TENM3: variants seen among roughly 807,000 people sequenced by gnomAD.
TENM3 encodes the protein teneurin-3.
Under a neutral mutation model 255.1 loss-of-function variants are expected in TENM3, and 63 were observed. The ratio of observed to expected loss-of-function variants is 0.25; its 90% confidence interval spans 0.20 to 0.30. The LOEUF (loss-of-function observed/expected upper bound fraction) is 0.30. Among genes scored for constraint, TENM3 ranks in the 10% least tolerant of loss-of-function variants. The probability of loss-of-function intolerance (pLI) is 1.00; values close to 1 mark genes in which losing one functional copy is unlikely to be tolerated. For synonymous variants in TENM3, 1,306 were observed against 1,322.3 expected, an observed-to-expected ratio of 0.99 and a Z score of 0.27; for missense variants, 2,929 against 3,461.1, an observed-to-expected ratio of 0.85 and a Z score of 3.86.
At chr4:181,614,664 T>C in the TENM3 span, among the ~76,000 whole-genome samples, 7 of 152,234 alleles carry the variant, frequency 4.6e-5, no homozygotes, top group Admixed American at 3.3e-4. Context: ...GTGAGCAGTC[T>C]TTGTAGCTGA....
At chr4:182,060,717 A>G in the TENM3 span, among the ~76,000 whole-genome samples, 52 of 152,352 alleles carry the variant, frequency 3.4e-4, no homozygotes, top group Admixed American at 8.5e-4. Context: ...ACAGAAACAT[A>G]AACTGAGGAT....
chr4:182,105,789 G>A, the TENM3 span, among the ~76,000 whole-genome samples: 1 of 152,166 alleles, frequency 6.6e-6, no homozygotes, highest in African/African-American at 2.4e-5. Context: ...CTGTATCCAG[G>A]TGGCCTGACT....
At chr4:182,290,012 G>A (rs191665392) in intron 1 of TENM3, among the ~76,000 whole-genome samples, 1 of 151,132 alleles carries the variant, frequency 6.6e-6, no homozygotes, top group Non-Finnish European at 1.5e-5. Flanking sequence ...CGTGCCCTAC[G>A]GTGCTGTCCA....
rs564113316 is a variant in TENM3, at chr4:182,362,332, A to G, written c.511+15403A>G. ...TGCCCTGCACCCAGAGGTGGAGCCT[A>G]CAGAGGCAGGCAGGCCTCCTTGAGC... On this transcript the variant is annotated intron_variant, in intron 3 of 27. Transcript: ENST00000511685. 7.4e-3 allele frequency among the ~76,000 whole-genome samples: 1,115 copies of G among 150,390 alleles called. 10 individuals carry two copies. The highest frequency in any genetic ancestry group is 0.011 in the Non-Finnish European group (748 of 67,650).
chr4:182,238,252 C>G (rs1282551213), intron 1 of TENM3, among the ~76,000 whole-genome samples: 1 of 152,170 alleles, frequency 6.6e-6, no homozygotes, highest in Non-Finnish European at 1.5e-5. Context: ...AACTGTCTAT[C>G]AAAATGACTT....
chr4:182,545,345 T>TA (rs1188310124), intron 3 of TENM3, among the ~76,000 whole-genome samples: 3 of 152,156 alleles, frequency 2.0e-5, no homozygotes, highest in Non-Finnish European at 4.4e-5. Context: ...ATCTCTATAT[T>TA]ATATCTTAAA....
At chr4:181,712,323 C>T in the TENM3 span, among the ~76,000 whole-genome samples, 22 of 152,048 alleles carry the variant, frequency 1.4e-4, no homozygotes, top group Non-Finnish European at 2.4e-4. Flanking sequence ...AATGGTTTGG[C>T]GTCATCCCCT....
chr4:181,537,193 AG>A, the TENM3 span, among the ~76,000 whole-genome samples: 1 of 151,934 alleles, frequency 6.6e-6, no homozygotes, highest in African/African-American at 2.4e-5. Flanking sequence ...TAAGAAAGGG[AG>A]TCTACACCTT....
chr4:181,605,584 G>GAGAGAGAGAGAGAGAGA, the TENM3 span, among the ~76,000 whole-genome samples: 7 of 69,180 alleles, frequency 1.0e-4, no homozygotes, highest in African/African-American at 3.4e-4. Flanking sequence ...GAGAAAGAAA[G>GAGAGAGAGAGAGAGAGA]GAAAGAAAGA....
the TENM3 span, among the ~76,000 whole-genome samples, chr4:181,720,452 T>C: frequency 6.6e-6 from 1 of 152,238 alleles, no homozygotes. Context: ...GCTGCATTTT[T>C]ATACCATTTT....
chr4:182,467,686 C>A (rs1342373592), intron 3 of TENM3, among the ~76,000 whole-genome samples: 1 of 152,174 alleles, frequency 6.6e-6, no homozygotes, highest in Non-Finnish European at 1.5e-5. Context: ...CAGGCACACA[C>A]TGTGTCTGGC....
the TENM3 span, among the ~76,000 whole-genome samples, chr4:181,958,549 G>A: frequency 6.6e-6 from 1 of 152,108 alleles, no homozygotes. Flanking sequence ...AAATTCCTGA[G>A]ATGTTTGAAG....
the TENM3 span, among the ~76,000 whole-genome samples, chr4:182,078,099 G>A: frequency 7.9e-5 from 12 of 152,250 alleles, no homozygotes; most frequent in African/African-American, 2.2e-4. Context: ...ACCAGCCCAT[G>A]CCTGTAGTCC....
chr4:182,574,909 A>G (rs921381377), intron 3 of TENM3, among the ~76,000 whole-genome samples: 1 of 152,308 alleles, frequency 6.6e-6, no homozygotes. Context: ...TAAGCCTTAC[A>G]TCTGGCTGTC....
the TENM3 span, among the ~76,000 whole-genome samples, chr4:181,754,460 G>T: frequency 6.6e-6 from 1 of 152,036 alleles, no homozygotes; most frequent in Non-Finnish European, 1.5e-5. Context: ...AGACATATTT[G>T]GGTGGAGAAA....
the TENM3 span, among the ~76,000 whole-genome samples, chr4:181,788,561 T>C: frequency 1.5e-4 from 23 of 152,298 alleles, no homozygotes; most frequent in African/African-American, 5.5e-4. Flanking sequence ...CTGTGCTTTC[T>C]AGGTACAGTG....
the TENM3 span, among the ~76,000 whole-genome samples, chr4:182,000,241 C>T: frequency 1.3e-5 from 2 of 152,018 alleles, no homozygotes; most frequent in African/African-American, 4.8e-5. Flanking sequence ...CCAATAAAAT[C>T]GTCAGTCAGT....
intron 1 of TENM3, among the ~76,000 whole-genome samples, chr4:182,230,239 C>T (rs1756473553): frequency 6.6e-6 from 1 of 152,184 alleles, no homozygotes; most frequent in African/African-American, 2.4e-5. Context: ...AGCGAAGCCC[C>T]ATGAAGCGCA....
Position 182,577,604 on chromosome 4 carries a change from T to C in TENM3, c.512-23320T>C, listed in dbSNP as rs184096810. 4.6e-5 allele frequency among the ~76,000 whole-genome samples: 7 copies of C among 152,316 alleles called. No homozygotes were observed. In the East Asian group the frequency reaches 1.3e-3, roughly 29 times the overall value. On this transcript the variant is annotated intron_variant, in intron 3 of 27. Coordinates refer to ENST00000511685, the MANE Select transcript of TENM3 (RefSeq NM_001080477.4). ...GAAACCGTTACACAGGAGACTGCAG[T>C]GGTTATTTCAGAAATAGCAGTGGAG...
Sources: allele counts gnomAD v4.1 joint callset (sites outside exome capture counted in the v4.1 genomes callset), GRCh38; gene constraint gnomAD v4.1.1; transcripts MANE v1.5; gene names NCBI Gene and HGNC (gene_info 2026-07-23, HGNC 2026-07-21).